PCDHGA11: variants seen among roughly 807,000 people sequenced by gnomAD.
The protein encoded by PCDHGA11 is protocadherin gamma-A11.
A neutral mutation model predicts 60.4 loss-of-function variants in PCDHGA11; 39 were observed. The ratio of observed to expected loss-of-function variants is 0.65; its 90% CI spans 0.50 to 0.84. The LOEUF is 0.84. PCDHGA11 is among the 40% of genes least tolerant of loss of function. The pLI is 0.00. For synonymous variants in PCDHGA11, 533 were observed against 510.3 expected, an observed-to-expected ratio of 1.04 and a Z score of -0.60; for missense variants, 1,165 against 1,197.7, an observed-to-expected ratio of 0.97 and a Z score of 0.40.
intron 2 of PCDHGA11, among the ~76,000 whole-genome samples, chr5:141,501,333 A>ACACACC (rs1186649373): frequency 1.5e-4 from 21 of 140,134 alleles, no homozygotes; most frequent in African/African-American, 3.4e-4. Flanking sequence ...ACACACACAC[A>ACACACC]CCCCAAACTC....
rs372168887 is a variant in PCDHGA11, at chr5:141,477,322, C to T, written c.2434-17485C>T. On this transcript the variant is annotated intron_variant, in intron 1 of 3. Transcript: ENST00000398587. The surrounding 1 kb of genome is among the most constrained non-coding windows in gnomAD (Gnocchi z 4.9). The stretch of plus-strand genomic sequence containing the variant: ...GTCTCCCTTTCAGCCTTACTTCTTC[C>T]CTCAAGAATTACTTCACTTTGAAAA... 17 of 1,614,050 alleles carry T rather than the reference C, an allele frequency of 1.1e-5. No homozygotes were observed. In the African/African-American group the frequency reaches 1.5e-4, roughly 14 times the overall value.
intron 2 of PCDHGA11, among the ~76,000 whole-genome samples, chr5:141,503,886 T>G (rs150106838): frequency 8.2e-4 from 125 of 152,290 alleles, no homozygotes; most frequent in African/African-American, 2.9e-3. Flanking sequence ...TCACCCACCA[T>G]GACAAAATAT....
intron 1 of PCDHGA11, among the ~76,000 whole-genome samples, chr5:141,437,390 A>T (rs1422429346): frequency 6.6e-6 from 1 of 152,248 alleles, no homozygotes; most frequent in Non-Finnish European, 1.5e-5. Flanking sequence ...ACATTCATCC[A>T]CTGCTTTCAT....
chr5:141,441,750 A>C, intron 1 of PCDHGA11: 1 of 374,962 alleles, frequency 2.7e-6, no homozygotes, highest in South Asian at 2.1e-5. Context: ...GCTCGGCGTC[A>C]ACGTGAGCCT....
At position 141,491,458 on chromosome 5, in the gene PCDHGA11, G is replaced by T. The variant is rs867069360; in HGVS notation, c.2434-3349G>T. 1.9e-6 allele frequency: 3 copies of T among 1,613,974 alleles called. No homozygotes were observed. The highest frequency in any genetic ancestry group is 1.6e-4 in the Middle Eastern group (1 of 6,084). On this transcript the variant is annotated intron_variant, in intron 1 of 3. Coordinates refer to ENST00000398587, the MANE Select transcript of PCDHGA11 (RefSeq NM_018914.3). This position sits in a 1 kb window ranked among gnomAD's most constrained non-coding sequence, Gnocchi z 6.9. ...CAGGCGCCAGGACTCACCCTCCCCGGACTTCTATAAGCAGTCCAGCCCCAA... is the reference window on the plus strand; with the variant it reads ...CAGGCGCCAGGACTCACCCTCCCCGTACTTCTATAAGCAGTCCAGCCCCAA...
At chr5:141,451,653 G>A (rs1440576814) in intron 1 of PCDHGA11, among the ~76,000 whole-genome samples, 2 of 152,166 alleles carry the variant, frequency 1.3e-5, no homozygotes, top group Non-Finnish European at 2.9e-5. Context: ...AGGCCAAGGA[G>A]GGTGGACTGC....
chr5:141,491,143 C>A lies in PCDHGA11; in HGVS notation c.2434-3664C>A. 1.2e-6 allele frequency: 2 copies of A among 1,614,142 alleles called. No homozygotes were observed. Among genetic ancestry groups the A allele is most frequent in the South Asian group, 1.1e-5 (1 of 91,082 alleles). On this transcript the variant is annotated intron_variant, in intron 1 of 3. Transcript: ENST00000398587. This position sits in a 1 kb window ranked among gnomAD's most constrained non-coding sequence, Gnocchi z 6.9. ...TGAGGTGCGCACAGCCCGGGCCTTA[C>A]TGGAGGATGACTCTGACACCCAGCA... is the stretch of plus-strand genomic sequence containing the variant.
rs539348000 is a variant in PCDHGA11 at position 141,504,908 on chromosome 5, G to A, written c.2493-485G>A. 5.9e-5 allele frequency among the ~76,000 whole-genome samples: 9 copies of A among 152,208 alleles called. No homozygotes were observed. In the East Asian group the frequency reaches 1.7e-3, roughly 29 times the overall value. On this transcript the variant is annotated intron_variant, in intron 2 of 3. Coordinates refer to ENST00000398587, the MANE Select transcript of PCDHGA11 (RefSeq NM_018914.3). Reference sequence around the variant, plus strand: ...AGGTCTGATCTCCCTCACTATGACAGGAAGCCAGGCTCTCTCATGGTGGGT... The same window carrying A: ...AGGTCTGATCTCCCTCACTATGACAAGAAGCCAGGCTCTCTCATGGTGGGT...
At chr5:141,500,417 G>A in intron 2 of PCDHGA11, among the ~76,000 whole-genome samples, 1 of 151,736 alleles carries the variant, frequency 6.6e-6, no homozygotes, top group East Asian at 2.0e-4. Flanking sequence ...CACCGTGTTA[G>A]CCAGGATGGT....
chr5:141,503,260 C>A (rs2154593294), intron 2 of PCDHGA11, among the ~76,000 whole-genome samples: 1 of 152,178 alleles, frequency 6.6e-6, no homozygotes, highest in African/African-American at 2.4e-5. Flanking sequence ...ACAGCCACAA[C>A]CCCAGCACCT....
intron 1 of PCDHGA11, among the ~76,000 whole-genome samples, chr5:141,469,340 G>A (rs1412181099): frequency 6.6e-6 from 1 of 152,138 alleles, no homozygotes; most frequent in Non-Finnish European, 1.5e-5. Context: ...ACTTTGGGAG[G>A]CTGAGGTGGA....
Position 141,427,844 on chromosome 5 carries a change from C to A in PCDHGA11, c.2433+4184C>A, listed in dbSNP as rs997069058. 6.5e-6 allele frequency: 10 copies of A among 1,550,194 alleles called. No homozygotes were observed. In the East Asian group the frequency reaches 2.2e-4, roughly 35 times the overall value. On this transcript the variant is annotated intron_variant, in intron 1 of 3. Transcript: ENST00000398587. ...TGGTCGCGCAGCGTGCCTTCGACCA[C>A]GAGCAGCTGTGCGCCTTCGAGCTCA...
chr5:141,433,042 G>C (rs752612411), intron 1 of PCDHGA11: 6 of 1,614,142 alleles, frequency 3.7e-6, no homozygotes, highest in Non-Finnish European at 5.1e-6. Flanking sequence ...CCCTCACCAC[G>C]GACTCGCGGA....
At position 141,431,423 on chromosome 5, in the gene PCDHGA11, C is replaced by T; in HGVS notation, c.2433+7763C>T. The T allele has an allele frequency of 3.1e-6, 5 of 1,613,670 alleles. No individual in the cohort carries two copies. Among genetic ancestry groups the T allele is most frequent in the Non-Finnish European group, 4.2e-6 (5 of 1,180,030 alleles). ...GGCCTCCGACGGGGGCGACCCGGTG[C>T]GCACAGGCACCGCGCGCATCCGCGT... On this transcript the variant is annotated intron_variant, in intron 1 of 3. Coordinates refer to ENST00000398587, the MANE Select transcript of PCDHGA11 (RefSeq NM_018914.3). This position sits in a 1 kb window ranked among gnomAD's most constrained non-coding sequence, Gnocchi z 4.8.
intron 1 of PCDHGA11, among the ~76,000 whole-genome samples, chr5:141,464,444 T>C (rs2099084887): frequency 6.6e-6 from 1 of 151,634 alleles, no homozygotes; most frequent in East Asian, 1.9e-4. Context: ...TGTTTGTTGT[T>C]GTTGTTGTTA....
chr5:141,491,662 A>C lies in PCDHGA11; in HGVS notation c.2434-3145A>C. 2 of 1,613,770 alleles carry C rather than the reference A, an allele frequency of 1.2e-6. No homozygotes were observed. The highest frequency in any genetic ancestry group is 1.7e-6 in the Non-Finnish European group (2 of 1,180,018). ...AGCTCTGGCGCTGGAGCCTGACGCC[A>C]TCCGGTCCCGCTCTAATACGCTGCG... On this transcript the variant is annotated intron_variant, in intron 1 of 3. Coordinates refer to ENST00000398587, the MANE Select transcript of PCDHGA11 (RefSeq NM_018914.3). This position sits in a 1 kb window ranked among gnomAD's most constrained non-coding sequence, Gnocchi z 6.9.
At chr5:141,438,303 T>G (rs2097949191) in intron 1 of PCDHGA11, among the ~76,000 whole-genome samples, 1 of 152,068 alleles carries the variant, frequency 6.6e-6, no homozygotes, top group African/African-American at 2.4e-5. Flanking sequence ...TAAAAGAAGT[T>G]GGTACCACCA....
chr5:141,459,976 G>A (rs1013971472), intron 1 of PCDHGA11, among the ~76,000 whole-genome samples: 1 of 152,202 alleles, frequency 6.6e-6, no homozygotes, highest in Non-Finnish European at 1.5e-5. Flanking sequence ...TACTCAGGAG[G>A]CTGAGACAGG....
rs2099811015 is a variant in PCDHGA11 at position 141,501,774 on chromosome 5, G to GTC, written c.2493-3612_2493-3611dup. ...CTCTCAGTAAATGGTTAAAAAAGAG[G>GTC]TCTCTCTCCCTCTGCTCATCTCTTA... is the stretch of plus-strand genomic sequence containing the variant. On this transcript the variant is annotated intron_variant, in intron 2 of 3. Coordinates refer to ENST00000398587, the MANE Select transcript of PCDHGA11 (RefSeq NM_018914.3). Among the ~76,000 whole-genome samples, 3 of 152,062 alleles carry GTC rather than the reference G, an allele frequency of 2.0e-5. No homozygotes were observed. In the South Asian group the frequency reaches 6.2e-4, roughly 32 times the overall value.
Sources: gnomAD v4.1 joint callset for allele counts (sites outside exome capture counted in the v4.1 genomes callset) on GRCh38, gnomAD v4.1.1 for gene constraint, Gnocchi (gnomAD v3.1) non-coding constraint, MANE v1.5 for transcripts, NCBI Gene and HGNC (gene_info 2026-07-23, HGNC 2026-07-21) for gene names.